FAM241A: variants seen among roughly 807,000 people sequenced by gnomAD.
The protein encoded by FAM241A is family with sequence similarity 241 member A.
Under a neutral mutation model 12.2 loss-of-function variants are expected in FAM241A, and 7 were observed. The observed-to-expected ratio is 0.58, with a 90% CI of 0.33 to 1.08. FAM241A has a LOEUF of 1.08. Among genes scored for constraint, FAM241A ranks in the 50% least tolerant of loss-of-function variants. FAM241A has a pLI of 0.04. For synonymous variants in FAM241A, 74 were observed against 68.2 expected, an observed-to-expected ratio of 1.08 and a Z score of -0.42; for missense variants, 161 against 169.7, an observed-to-expected ratio of 0.95 and a Z score of 0.29.
intron 1 of FAM241A, among the ~76,000 whole-genome samples, chr4:112,185,107 C>G (rs1024677574): frequency 2.0e-5 from 3 of 151,966 alleles, no homozygotes; most frequent in African/African-American, 7.3e-5. Flanking sequence ...ATAATAAATT[C>G]TCCATCATGT....
rs1724071528 is a variant in FAM241A at position 112,187,555 on chromosome 4, G to C, written c.*617G>C. On this transcript the variant is annotated 3_prime_UTR_variant, in exon 2 of 2. Transcript: ENST00000309733. ...AATATATTTATTATTACTGGGGAAAGCTCCCAGGTTAAATATAACTTTTTT... is the reference window on the plus strand; with the variant it reads ...AATATATTTATTATTACTGGGGAAACCTCCCAGGTTAAATATAACTTTTTT... 6.6e-6 allele frequency: 1 copy of C among 152,504 alleles called. No individual in the cohort carries two copies. Among genetic ancestry groups the C allele is most frequent in the African/African-American group, 2.4e-5 (1 of 41,442 alleles). 9.4% of individuals were successfully genotyped at this position (152,504 alleles called of 1,614,324 possible). A position where few individuals can be genotyped will look rare whatever the true frequency, so the allele number is the denominator to read the frequency against.
At chr4:112,164,541 T>C (rs1723554373) in intron 1 of FAM241A, among the ~76,000 whole-genome samples, 5 of 152,150 alleles carry the variant, frequency 3.3e-5, no homozygotes. Flanking sequence ...GGCACATGTA[T>C]ACATATGTAA....
rs557386533 is a variant in FAM241A, at chr4:112,185,430, CTAG to C, written c.154-1256_154-1254del. ...CCCCTGACTTACTGAATCAGAAACTCTAGTAGTAGGCCCAGCAAGCTGTGCTTT... is the reference window on the plus strand; with the variant it reads ...CCCCTGACTTACTGAATCAGAAACTCTAGTAGGCCCAGCAAGCTGTGCTTT... On this transcript the variant is annotated intron_variant, in intron 1 of 1. Coordinates refer to ENST00000309733, the MANE Select transcript of FAM241A (RefSeq NM_152400.3). 3.8e-3 allele frequency among the ~76,000 whole-genome samples: 576 copies of C among 152,274 alleles called. 13 individuals carry two copies. The highest frequency in any genetic ancestry group is 0.033 in the Admixed American group (505 of 15,294).
At chr4:112,150,801 T>C (rs1723232047) in intron 1 of FAM241A, among the ~76,000 whole-genome samples, 1 of 152,214 alleles carries the variant, frequency 6.6e-6, no homozygotes, top group Admixed American at 6.5e-5. Context: ...TGCATCTGCA[T>C]AATGGGAATA....
chr4:112,148,948 A>G lies in FAM241A; in HGVS notation c.153+3215A>G, dbSNP rs1375704878. On this transcript the variant is annotated intron_variant, in intron 1 of 1. Coordinates refer to ENST00000309733, the MANE Select transcript of FAM241A (RefSeq NM_152400.3). ...CTTACCTAGAGAATAGGGAAGTCCC[A>G]TTATCCTTAGATTGACTTTCGAATT... Among the ~76,000 whole-genome samples, 6 of 152,354 alleles carry G rather than the reference A, an allele frequency of 3.9e-5. No homozygotes were observed. In the East Asian group the frequency reaches 1.2e-3, roughly 29 times the overall value.
At chr4:112,167,579 C>T (rs1011170415) in intron 1 of FAM241A, among the ~76,000 whole-genome samples, 3 of 152,014 alleles carry the variant, frequency 2.0e-5, no homozygotes, top group Non-Finnish European at 4.4e-5. Flanking sequence ...GAAGAGTTGC[C>T]TGAGTTGAGA....
intron 1 of FAM241A, among the ~76,000 whole-genome samples, chr4:112,179,914 GAT>G (rs34513702): frequency 0.4 from 47,330 of 117,796 alleles, 9,485 homozygotes; most frequent in South Asian, 0.52. Context: ...AAGAAAATGT[GAT>G]ATATATATAT....
intron 1 of FAM241A, among the ~76,000 whole-genome samples, chr4:112,155,051 G>A (rs1358017104): frequency 5.6e-5 from 8 of 144,092 alleles, no homozygotes; most frequent in Admixed American, 2.0e-4. Flanking sequence ...ACCCTCCCCC[G>A]CCACAAAAAA....
intron 1 of FAM241A, among the ~76,000 whole-genome samples, chr4:112,159,947 G>T (rs1012569038): frequency 2.6e-5 from 4 of 152,134 alleles, no homozygotes; most frequent in African/African-American, 7.2e-5. Flanking sequence ...ACAAGAGAAA[G>T]ATATAAAGGG....
chr4:112,174,148 T>C (rs1723775604), intron 1 of FAM241A, among the ~76,000 whole-genome samples: 2 of 152,160 alleles, frequency 1.3e-5, no homozygotes, highest in South Asian at 4.1e-4. Flanking sequence ...ACCAAGTCTC[T>C]CTTCCCCTAA....
intron 1 of FAM241A, among the ~76,000 whole-genome samples, chr4:112,151,401 C>T (rs1338623005): frequency 6.6e-6 from 1 of 152,126 alleles, no homozygotes; most frequent in Admixed American, 6.6e-5. Context: ...ATAAACCTCT[C>T]TTCTTTATAA....
chr4:112,160,593 G>C (rs547096670), intron 1 of FAM241A, among the ~76,000 whole-genome samples: 51 of 152,232 alleles, frequency 3.4e-4, no homozygotes, highest in Admixed American at 2.6e-4. Flanking sequence ...TTCCAGAACA[G>C]CCAAAGCTAT....
intron 1 of FAM241A, among the ~76,000 whole-genome samples, chr4:112,175,326 A>G (rs982197866): frequency 6.6e-6 from 1 of 152,196 alleles, no homozygotes; most frequent in Non-Finnish European, 1.5e-5. Context: ...ACAACTCACC[A>G]GCTATCTAAC....
chr4:112,156,636 T>A (rs1723359037), intron 1 of FAM241A, among the ~76,000 whole-genome samples: 1 of 152,226 alleles, frequency 6.6e-6, no homozygotes, highest in Admixed American at 6.5e-5. Context: ...ATGTTTTTGC[T>A]GAAGAACTGT....
chr4:112,147,779 G>A (rs989630049), intron 1 of FAM241A, among the ~76,000 whole-genome samples: 7 of 152,264 alleles, frequency 4.6e-5, no homozygotes, highest in South Asian at 2.1e-4. Context: ...TGGTTTCTAA[G>A]TTAATGATTT....
chr4:112,158,375 A>G (rs1223451742), intron 1 of FAM241A, among the ~76,000 whole-genome samples: 1 of 152,148 alleles, frequency 6.6e-6, no homozygotes, highest in Non-Finnish European at 1.5e-5. Flanking sequence ...TGTATTATAT[A>G]AATGTTTCTG....
intron 1 of FAM241A, among the ~76,000 whole-genome samples, chr4:112,149,171 A>G (rs1723197556): frequency 6.6e-6 from 1 of 152,054 alleles, no homozygotes; most frequent in Non-Finnish European, 1.5e-5. Flanking sequence ...GTATATGCAT[A>G]TATACACACT....
At chr4:112,165,579 AAG>A (rs1158591101) in intron 1 of FAM241A, among the ~76,000 whole-genome samples, 5 of 152,232 alleles carry the variant, frequency 3.3e-5, no homozygotes, top group Non-Finnish European at 5.9e-5. Context: ...AGCCGTTAAA[AAG>A]AGTGAGGTCC....
At chr4:112,146,564 G>A (rs1481613093) in intron 1 of FAM241A, among the ~76,000 whole-genome samples, 1 of 152,188 alleles carries the variant, frequency 6.6e-6, no homozygotes, top group East Asian at 1.9e-4. Context: ...CCAAATACCT[G>A]AGGTAAGCCG....
Sources: gnomAD v4.1 joint callset for allele counts (sites outside exome capture counted in the v4.1 genomes callset) on GRCh38, gnomAD v4.1.1 for gene constraint, MANE v1.5 for transcripts, NCBI Gene and HGNC (gene_info 2026-07-23, HGNC 2026-07-21) for gene names.